SDCCAG8: variants seen among roughly 807,000 people sequenced by gnomAD.
SDCCAG8 encodes SHH signaling and ciliogenesis regulator SDCCAG8.
Under a neutral mutation model 101.8 loss-of-function variants are expected in SDCCAG8, and 74 were observed. That is an observed-to-expected ratio of 0.73 (90% CI 0.60 to 0.88). SDCCAG8 has a LOEUF of 0.88. Ranked by LOEUF, SDCCAG8 falls within the 40% of genes least tolerant of loss-of-function variation. SDCCAG8 has a pLI of 0.00. For missense variants in SDCCAG8, 787 were observed against 822.6 expected, an observed-to-expected ratio of 0.96 and a Z score of 0.53; for synonymous variants, 281 against 292.9, an observed-to-expected ratio of 0.96 and a Z score of 0.41.
At chr1:243,337,545 A>T (rs1222791572) in intron 10 of SDCCAG8, among the ~76,000 whole-genome samples, 1 of 152,214 alleles carries the variant, frequency 6.6e-6, no homozygotes, top group Admixed American at 6.5e-5. Flanking sequence ...TTTAGAGTTG[A>T]ATCCAGCTTG....
chr1:243,434,457 T>C (rs1423583205), intron 16 of SDCCAG8, among the ~76,000 whole-genome samples: 1 of 152,244 alleles, frequency 6.6e-6, no homozygotes, highest in African/African-American at 2.4e-5. Flanking sequence ...TGGTAAGAGA[T>C]GTATATGTTG....
chr1:243,332,297 G>A (rs1215831528), intron 10 of SDCCAG8, among the ~76,000 whole-genome samples: 1 of 152,214 alleles, frequency 6.6e-6, no homozygotes, highest in Non-Finnish European at 1.5e-5. Context: ...GGGATGGAAA[G>A]CCATTGAATG....
intron 16 of SDCCAG8, among the ~76,000 whole-genome samples, chr1:243,459,588 T>C (rs1418561493): frequency 6.6e-6 from 1 of 152,214 alleles, no homozygotes; most frequent in Admixed American, 6.5e-5. Flanking sequence ...AAGGTGATAC[T>C]AAAATATTTA....
intron 3 of SDCCAG8, among the ~76,000 whole-genome samples, chr1:243,271,835 CG>C (rs1305704981): frequency 6.6e-6 from 1 of 152,030 alleles, no homozygotes; most frequent in Admixed American, 6.6e-5. Context: ...TGAGCCACCG[CG>C]CCTGGCCTCA....
chr1:243,448,884 A>T (rs1223460896), intron 16 of SDCCAG8, among the ~76,000 whole-genome samples: 2 of 152,228 alleles, frequency 1.3e-5, no homozygotes, highest in Non-Finnish European at 2.9e-5. Context: ...ATCATATTTT[A>T]TCATCCTTTT....
At chr1:243,428,141 C>T (rs1337380010) in intron 16 of SDCCAG8, among the ~76,000 whole-genome samples, 1 of 152,216 alleles carries the variant, frequency 6.6e-6, no homozygotes, top group African/African-American at 2.4e-5. Flanking sequence ...ACACATAGTA[C>T]CTTATGTACC....
chr1:243,318,765 C>G (rs1175294509), intron 9 of SDCCAG8, among the ~76,000 whole-genome samples: 1 of 152,168 alleles, frequency 6.6e-6, no homozygotes. Flanking sequence ...TTGTGTCAGT[C>G]AAGTCGTCTC....
intron 4 of SDCCAG8, among the ~76,000 whole-genome samples, chr1:243,284,416 T>C (rs2069382238): frequency 6.6e-6 from 1 of 152,222 alleles, no homozygotes; most frequent in Non-Finnish European, 1.5e-5. Flanking sequence ...TCTGTCAGTA[T>C]ACGGGAGCCA....
chr1:243,424,413 A>G (rs1232587180), intron 15 of SDCCAG8, among the ~76,000 whole-genome samples: 4 of 152,092 alleles, frequency 2.6e-5, no homozygotes, highest in Non-Finnish European at 5.9e-5. Flanking sequence ...AAATTTAGAA[A>G]GTATGGAAAA....
At chr1:243,328,070 T>C (rs964822093) in intron 9 of SDCCAG8, among the ~76,000 whole-genome samples, 15 of 151,602 alleles carry the variant, frequency 9.9e-5, no homozygotes, top group Admixed American at 4.6e-4. Context: ...ACCCGGCTAA[T>C]TTTTTGTGTT....
chr1:243,474,135 A>G lies in SDCCAG8; in HGVS notation c.1986-14879A>G, dbSNP rs2148201008. ...ACAAACAATGATTCATTGGTTTACA[A>G]ATAAGGAATTAAAAGGTAAGAAAAG... On this transcript the variant is annotated intron_variant, in intron 16 of 17. Transcript: ENST00000366541. This position sits in a 1 kb window ranked among gnomAD's most constrained non-coding sequence, Gnocchi z 4.7. Among the ~76,000 whole-genome samples, 1 of 152,280 alleles carries G rather than the reference A, an allele frequency of 6.6e-6. No homozygotes were observed. The highest frequency in any genetic ancestry group is 2.4e-5 in the African/African-American group (1 of 41,562).
chr1:243,275,938 A>G (rs2068527796), intron 4 of SDCCAG8, among the ~76,000 whole-genome samples: 1 of 132,052 alleles, frequency 7.6e-6, no homozygotes, highest in South Asian at 2.3e-4. Flanking sequence ...GTCTCCGCTC[A>G]CTGCAACCTC....
chr1:243,288,033 G>T (rs2149287971), intron 5 of SDCCAG8, among the ~76,000 whole-genome samples: 1 of 152,324 alleles, frequency 6.6e-6, no homozygotes, highest in East Asian at 1.9e-4. Flanking sequence ...AAACATTCAT[G>T]TGAGCTAAAT....
intron 10 of SDCCAG8, chr1:243,338,744 G>T (rs2075187483): frequency 6.6e-6 from 1 of 152,320 alleles, no homozygotes; most frequent in Non-Finnish European, 1.5e-5. Flanking sequence ...ACTAGGGACT[G>T]CTCTGCAGAA....
intron 5 of SDCCAG8, among the ~76,000 whole-genome samples, chr1:243,292,231 A>T (rs1342126190): frequency 6.6e-6 from 1 of 152,174 alleles, no homozygotes; most frequent in Non-Finnish European, 1.5e-5. Flanking sequence ...CGATTAAGTC[A>T]ATCTCCAGTC....
intron 8 of SDCCAG8, among the ~76,000 whole-genome samples, chr1:243,314,953 G>A (rs762717826): frequency 1.3e-5 from 2 of 152,076 alleles, no homozygotes; most frequent in African/African-American, 2.4e-5. Flanking sequence ...CAAGTGATCC[G>A]CCCACCTCGG....
At chr1:243,350,399 G>A (rs1313114327) in intron 12 of SDCCAG8, among the ~76,000 whole-genome samples, 1 of 151,966 alleles carries the variant, frequency 6.6e-6, no homozygotes, top group Non-Finnish European at 1.5e-5. Context: ...TTGTTTTTTA[G>A]TAGGGACAGG....
chr1:243,301,769 G>T (rs1249005672), intron 6 of SDCCAG8, among the ~76,000 whole-genome samples: 1 of 151,882 alleles, frequency 6.6e-6, no homozygotes, highest in Non-Finnish European at 1.5e-5. Flanking sequence ...GAAAAAAAAA[G>T]TCATTTTATG....
At chr1:243,312,058 C>T (rs1471616235) in intron 8 of SDCCAG8, among the ~76,000 whole-genome samples, 3 of 152,192 alleles carry the variant, frequency 2.0e-5, no homozygotes, top group Non-Finnish European at 4.4e-5. Context: ...GATATTAAAC[C>T]TATTAACACT....
Sources: allele counts gnomAD v4.1 joint callset (sites outside exome capture counted in the v4.1 genomes callset), GRCh38; gene constraint gnomAD v4.1.1; non-coding constraint Gnocchi (gnomAD v3.1); transcripts MANE v1.5; gene names NCBI Gene and HGNC (gene_info 2026-07-23, HGNC 2026-07-21).